IL7: variants seen among roughly 807,000 people sequenced by gnomAD.
IL7 encodes the protein interleukin 7, also known as interleukin-7.
A neutral mutation model predicts 21.6 loss-of-function variants in IL7; 3 were observed. That is an observed-to-expected ratio of 0.14 (90% CI 0.06 to 0.36). IL7 has a LOEUF of 0.36. Ranked by LOEUF, IL7 falls within the 10% of genes least tolerant of loss-of-function variation. The probability of loss-of-function intolerance (pLI) is 1.00; values close to 1 mark genes in which losing one functional copy is unlikely to be tolerated. For synonymous variants in IL7, 62 were observed against 68.1 expected (o/e 0.91, Z 0.44); for missense variants, 175 against 200.2 (o/e 0.87, Z 0.76).
At chr8:78,701,756 C>T (rs1440580887) in intron 3 of IL7, among the ~76,000 whole-genome samples, 1 of 152,032 alleles carries the variant, frequency 6.6e-6, no homozygotes, top group Non-Finnish European at 1.5e-5. Context: ...TAATCATGTG[C>T]TTTTTGTCTT....
chr8:78,756,135 T>C (rs1812338651), intron 2 of IL7, among the ~76,000 whole-genome samples: 1 of 152,116 alleles, frequency 6.6e-6, no homozygotes, highest in East Asian at 1.9e-4. Flanking sequence ...ATCACATTTA[T>C]TGATTTGTGT....
intron 2 of IL7, chr8:78,747,040 C>G (rs201372890): frequency 4.4e-5 from 20 of 456,650 alleles, no homozygotes; most frequent in Non-Finnish European, 3.5e-5. Context: ...AATTATTGCT[C>G]ATAGCTGATT....
intron 2 of IL7, among the ~76,000 whole-genome samples, chr8:78,777,093 G>C (rs1223731233): frequency 6.6e-6 from 1 of 152,080 alleles, no homozygotes; most frequent in Admixed American, 6.6e-5. Context: ...ATCATTATGT[G>C]ATCGACAATG....
intron 2 of IL7, among the ~76,000 whole-genome samples, chr8:78,777,814 G>A (rs547924010): frequency 1.1e-4 from 17 of 152,068 alleles, no homozygotes; most frequent in East Asian, 3.9e-4. Context: ...TTTATATGGC[G>A]CATATGAATT....
At chr8:78,768,347 C>T (rs1363661198) in intron 2 of IL7, among the ~76,000 whole-genome samples, 1 of 151,710 alleles carries the variant, frequency 6.6e-6, no homozygotes, top group African/African-American at 2.4e-5. Context: ...AATCGCCACA[C>T]TGACTTCCAC....
In IL7 at chr8:78,805,040, G is replaced by A; in HGVS notation, c.-118C>T. 8.8e-7 allele frequency: 1 copy of A among 1,132,366 alleles called. No individual in the cohort carries two copies. The highest frequency in any genetic ancestry group is 1.3e-6 in the Non-Finnish European group (1 of 788,660). The allele number at this position is 1,132,366 out of a possible 1,614,324, so 70.1% of individuals were successfully genotyped here. ...CGCGGAGTTGCCGAGTCTGTGTTGG[G>A]CAGGGTGATCTCTGCAGCTGGTTCC... On this transcript the variant is annotated 5_prime_UTR_variant, in exon 1 of 6. Coordinates refer to ENST00000263851, the MANE Select transcript of IL7 (RefSeq NM_000880.4).
intron 3 of IL7, among the ~76,000 whole-genome samples, chr8:78,693,882 T>C (rs1451618138): frequency 6.6e-6 from 1 of 152,244 alleles, no homozygotes; most frequent in East Asian, 1.9e-4. Flanking sequence ...CACTTAAGTC[T>C]TTAATCCATC....
chr8:78,678,653 C>T (rs1254602963), intron 4 of IL7: 1 of 1,611,136 alleles, frequency 6.2e-7, no homozygotes, highest in South Asian at 1.1e-5. Flanking sequence ...AACTGATATT[C>T]CAACAGTAAA....
At chr8:78,779,343 T>G (rs1563432616) in intron 2 of IL7, among the ~76,000 whole-genome samples, 1 of 152,246 alleles carries the variant, frequency 6.6e-6, no homozygotes, top group Non-Finnish European at 1.5e-5. Flanking sequence ...TTCCAGCTTT[T>G]GTCCATTCAG....
At chr8:78,691,422 C>T (rs1477222774) in intron 3 of IL7, among the ~76,000 whole-genome samples, 1 of 152,034 alleles carries the variant, frequency 6.6e-6, no homozygotes, top group Non-Finnish European at 1.5e-5. Context: ...AAGAATATAG[C>T]CATTTTAACA....
At chr8:78,771,546 C>T (rs978023605) in intron 2 of IL7, among the ~76,000 whole-genome samples, 1 of 151,982 alleles carries the variant, frequency 6.6e-6, no homozygotes, top group African/African-American at 2.4e-5. Flanking sequence ...AGATTAATGC[C>T]ACATGGAGAA....
intron 4 of IL7, among the ~76,000 whole-genome samples, chr8:78,685,041 A>G (rs1413968737): frequency 2.0e-5 from 3 of 152,194 alleles, no homozygotes; most frequent in Non-Finnish European, 4.4e-5. Flanking sequence ...AAAGCTTAAT[A>G]AAATATTAGC....
chr8:78,722,784 G>T (rs1811264985), intron 3 of IL7, among the ~76,000 whole-genome samples: 1 of 151,744 alleles, frequency 6.6e-6, no homozygotes, highest in South Asian at 2.1e-4. Context: ...ATATATACAG[G>T]ACAAGCAAAA....
chr8:78,712,008 C>T (rs545858883), intron 3 of IL7: 1 of 1,289,590 alleles, frequency 7.8e-7, no homozygotes, highest in South Asian at 1.2e-5. Context: ...ACAAGTTAGG[C>T]CCTCCACTTC....
At chr8:78,757,865 G>T (rs898075324) in intron 2 of IL7, among the ~76,000 whole-genome samples, 2 of 152,052 alleles carry the variant, frequency 1.3e-5, no homozygotes, top group Admixed American at 1.3e-4. Flanking sequence ...GACCCAGTAG[G>T]AGGTAATTGA....
chr8:78,798,009 T>C (rs1813918144), intron 2 of IL7, 63 bp downstream of exon 2: 1 of 1,354,700 alleles, frequency 7.4e-7, no homozygotes, highest in African/African-American at 1.4e-5. Flanking sequence ...TAAAACTGCA[T>C]ACCAAAAAGG....
At chr8:78,753,710 G>A (rs535605880) in intron 2 of IL7, among the ~76,000 whole-genome samples, 48 of 152,050 alleles carry the variant, frequency 3.2e-4, no homozygotes, top group South Asian at 2.5e-3. Flanking sequence ...GTTTTAGGTC[G>A]TATGTTTAAG....
At chr8:78,772,483 G>A (rs1432677406) in intron 2 of IL7, among the ~76,000 whole-genome samples, 3 of 152,260 alleles carry the variant, frequency 2.0e-5, no homozygotes, top group African/African-American at 7.2e-5. Context: ...AAGTGCAACA[G>A]TAAGACTACT....
chr8:78,739,358 G>T (rs1042054954), intron 3 of IL7, among the ~76,000 whole-genome samples: 2 of 152,066 alleles, frequency 1.3e-5, no homozygotes, highest in African/African-American at 4.8e-5. Context: ...ACTTATATTT[G>T]TATGTGTGCA....
Sources: gnomAD v4.1 joint callset for allele counts (sites outside exome capture counted in the v4.1 genomes callset) on GRCh38, gnomAD v4.1.1 for gene constraint, MANE v1.5 for transcripts, NCBI Gene and HGNC (gene_info 2026-07-23, HGNC 2026-07-21) for gene names.